Variants in GAPVD1 observed in about 807,000 individuals in gnomAD.
GAPVD1 encodes GTPase activating protein and VPS9 domains 1.
Under a neutral mutation model 155.5 loss-of-function variants are expected in GAPVD1, and 35 were observed. The ratio of observed to expected loss-of-function variants is 0.23; its 90% CI spans 0.17 to 0.30. The LOEUF (loss-of-function observed/expected upper bound fraction) is 0.30. Ranked by LOEUF, GAPVD1 falls within the 10% of genes least tolerant of loss-of-function variation. GAPVD1 has a pLI of 1.00. For synonymous variants in GAPVD1, 636 were observed against 619.7 expected (o/e 1.03, Z -0.39); for missense variants, 1,429 against 1,775.7 (o/e 0.80, Z 3.51).
chr9:125,313,214 T>C (rs918920136), intron 9 of GAPVD1, among the ~76,000 whole-genome samples: 11 of 152,046 alleles, frequency 7.2e-5, no homozygotes, highest in Non-Finnish European at 1.3e-4. Context: ...CCAAATACCA[T>C]CACCTTGGGG....
chr9:125,350,273 G>A (rs1849110349), intron 21 of GAPVD1, 22 bp from the exon 22 acceptor site: 5 of 1,332,290 alleles, frequency 3.8e-6, no homozygotes, highest in Non-Finnish European at 5.3e-6. Flanking sequence ...AGAAATTAAT[G>A]TATTTTCTAC....
At chr9:125,285,154 T>A (rs956450061) in intron 2 of GAPVD1, among the ~76,000 whole-genome samples, 3 of 152,220 alleles carry the variant, frequency 2.0e-5, no homozygotes, top group African/African-American at 7.2e-5. Flanking sequence ...TATTCAGCTC[T>A]GCCATTGTGG....
intron 2 of GAPVD1, among the ~76,000 whole-genome samples, chr9:125,290,579 T>C (rs1484490921): frequency 6.6e-6 from 1 of 151,822 alleles, no homozygotes; most frequent in Non-Finnish European, 1.5e-5. Context: ...AGGGAAGAGG[T>C]GTTGGAAGTT....
intron 23 of GAPVD1, among the ~76,000 whole-genome samples, chr9:125,352,258 G>A (rs545336424): frequency 7.9e-5 from 12 of 152,322 alleles, no homozygotes; most frequent in Admixed American, 2.6e-4. Flanking sequence ...TGGGGGCTCC[G>A]ATCCCACATT....
chr9:125,322,081 T>C (rs2131525329), intron 10 of GAPVD1, among the ~76,000 whole-genome samples: 1 of 152,284 alleles, frequency 6.6e-6, no homozygotes, highest in Non-Finnish European at 1.5e-5. Flanking sequence ...ATTTTTTTTT[T>C]TTGAGACAGA....
intron 8 of GAPVD1, among the ~76,000 whole-genome samples, chr9:125,311,403 C>T (rs1216638559): frequency 6.6e-6 from 1 of 152,136 alleles, no homozygotes; most frequent in African/African-American, 2.4e-5. Flanking sequence ...GCGTGGATCA[C>T]CTGAGATCAG....
rs1851480303 is a variant in GAPVD1, at chr9:125,366,561, A to G, written c.*3815A>G. ...CTGTTGTCTCTCTTTTTAAATATTT[A>G]AGTCTAGTGAGTTTATTTTGTACGC... On this transcript the variant is annotated 3_prime_UTR_variant, in exon 28 of 28. Transcript: ENST00000297933. 6.6e-6 allele frequency: 1 copy of G among 152,142 alleles called. No individual in the cohort carries two copies. Among genetic ancestry groups the G allele is most frequent in the Admixed American group, 6.5e-5 (1 of 15,270 alleles). 9.4% of individuals were successfully genotyped at this position (152,142 alleles called of 1,614,324 possible).
chr9:125,293,870 A>ATTT (rs1380353826), intron 2 of GAPVD1, among the ~76,000 whole-genome samples: 429 of 20,976 alleles, frequency 0.02, 12 homozygotes, highest in African/African-American at 0.068. Flanking sequence ...ATATATATAT[A>ATTT]TATATATATA....
chr9:125,336,730 C>T (rs969409108), intron 15 of GAPVD1: 10 of 309,762 alleles, frequency 3.2e-5, no homozygotes, highest in East Asian at 2.1e-4. Flanking sequence ...TTAGGTCTTC[C>T]GGCTTTGTTC....
Position 125,350,323 on chromosome 9 carries a change from C to T in GAPVD1, c.3328C>T (p.Leu1110Phe). 1.3e-6 allele frequency: 2 copies of T among 1,589,256 alleles called. No individual in the cohort carries two copies. Among genetic ancestry groups the T allele is most frequent in the Non-Finnish European group, 1.7e-6 (2 of 1,173,832 alleles). ...RDAKKKLRLA[L>F]CSADSVAFPV... The stretch of plus-strand genomic sequence containing the variant: ...TGCAAAAAAGAAACTGAGGCTTGCT[C>T]TTTGCTCTGCGGACTCTGTTGCCTT... Residue 1110 changes from leucine (L) to phenylalanine (F), a missense_variant, in exon 22 of 28, where the codon CTT becomes TTT. By Grantham distance (22) the Leu-to-Phe change is conservative. This residue lies in a region of GAPVD1 where 699 missense variants were observed against 826.0 expected (regional missense o/e 0.85). Transcript: ENST00000297933.
intron 3 of GAPVD1, among the ~76,000 whole-genome samples, chr9:125,298,637 C>T (rs565611745): frequency 1.3e-4 from 19 of 151,644 alleles, no homozygotes; most frequent in African/African-American, 4.6e-4. Flanking sequence ...TACAGGCGCG[C>T]CCCACCGCAC....
At chr9:125,350,960 G>T in intron 23 of GAPVD1, 88 bp downstream of exon 23, 1 of 1,061,176 alleles carries the variant, frequency 9.4e-7, no homozygotes, top group South Asian at 1.5e-5. Context: ...ATGAATCTAG[G>T]CTTCCTACAA....
intron 17 of GAPVD1, among the ~76,000 whole-genome samples, chr9:125,339,155 G>A (rs959579076): frequency 5.9e-5 from 9 of 151,866 alleles, no homozygotes; most frequent in African/African-American, 1.5e-4. Flanking sequence ...TAATTTTTTC[G>A]TTTGTTTGTT....
At chr9:125,265,269 TCTTC>T (rs1485560866) in intron 1 of GAPVD1, among the ~76,000 whole-genome samples, 7 of 152,202 alleles carry the variant, frequency 4.6e-5, no homozygotes, top group African/African-American at 1.2e-4. Context: ...CCTTCTTTCT[TCTTC>T]CTTCTTTTTT....
rs571621072 is a variant in GAPVD1 at position 125,349,556 on chromosome 9, G to A, written c.3299+37G>A. The A allele has an allele frequency of 1.8e-5, 29 of 1,596,586 alleles. No homozygotes were observed. The African/African-American group carries it at 3.2e-4, about 18-fold the overall frequency. Reference sequence around the variant, plus strand: ...ATAGGATTTGGGACTTTAGGGTTTGGACTTTTCAGCACCATTGCAGTCACG... The same window carrying A: ...ATAGGATTTGGGACTTTAGGGTTTGAACTTTTCAGCACCATTGCAGTCACG... On this transcript the variant is annotated intron_variant, in intron 21 of 27. Coordinates refer to ENST00000297933, the MANE Select transcript of GAPVD1 (RefSeq NM_001282680.3).
chr9:125,287,594 GA>G (rs1837914422), intron 2 of GAPVD1, among the ~76,000 whole-genome samples: 1 of 152,188 alleles, frequency 6.6e-6, no homozygotes, highest in Non-Finnish European at 1.5e-5. Context: ...ATTAGGATTG[GA>G]GGGGTGGATT....
rs193078682 is a variant in GAPVD1, at chr9:125,353,860, A to G, written c.3570-794A>G. On this transcript the variant is annotated intron_variant, in intron 23 of 27. Coordinates refer to ENST00000297933, the MANE Select transcript of GAPVD1 (RefSeq NM_001282680.3). ...TGTGGGTGGGGAATACAGCCAAATC[A>G]TATCAATTTCTAAGCAACATATTTG... 3.4e-4 allele frequency among the ~76,000 whole-genome samples: 52 copies of G among 152,336 alleles called. 1 individual carries two copies. The highest frequency in any genetic ancestry group is 3.3e-3 in the Admixed American group (51 of 15,294).
chr9:125,313,213 AT>A (rs1389575935), intron 9 of GAPVD1, among the ~76,000 whole-genome samples: 1 of 151,986 alleles, frequency 6.6e-6, no homozygotes, highest in Non-Finnish European at 1.5e-5. Flanking sequence ...TCCAAATACC[AT>A]CACCTTGGGG....
At chr9:125,357,739 C>A (rs972982215) in intron 25 of GAPVD1, among the ~76,000 whole-genome samples, 1 of 152,058 alleles carries the variant, frequency 6.6e-6, no homozygotes, top group Non-Finnish European at 1.5e-5. Context: ...TTTGGGAGGC[C>A]GAGGCAGGTG....
Sources: gnomAD v4.1 joint callset for allele counts (sites outside exome capture counted in the v4.1 genomes callset) on GRCh38, gnomAD v4.1.1 for gene constraint, gnomAD v4.1.1 regional missense constraint, MANE v1.5 for transcripts, NCBI Gene and HGNC (gene_info 2026-07-23, HGNC 2026-07-21) for gene names.